Variants in PARN observed in about 807,000 individuals in gnomAD.
PARN encodes poly(A)-specific ribonuclease PARN.
PARN carries 71 observed loss-of-function variants against 102.8 expected under a neutral mutation model. That is an observed-to-expected ratio of 0.69 (90% CI 0.57 to 0.84). PARN has a LOEUF of 0.84. PARN is among the 40% of genes least tolerant of loss of function. The pLI, the probability that PARN is intolerant of heterozygous loss-of-function variation, is 0.00. For synonymous variants in PARN, 261 were observed against 252.9 expected, an observed-to-expected ratio of 1.03 and a Z score of -0.30; for missense variants, 782 against 760.9, an observed-to-expected ratio of 1.03 and a Z score of -0.33.
intron 12 of PARN, among the ~76,000 whole-genome samples, chr16:14,595,712 G>A (rs946731812): frequency 1.3e-5 from 2 of 152,106 alleles, no homozygotes; most frequent in Non-Finnish European, 2.9e-5. Context: ...TGGATTTTCA[G>A]TAGAGACGGG....
At chr16:14,482,078 T>C (rs1211950625) in intron 22 of PARN, among the ~76,000 whole-genome samples, 1 of 152,096 alleles carries the variant, frequency 6.6e-6, no homozygotes, top group Non-Finnish European at 1.5e-5. Flanking sequence ...AAAGCCTCCA[T>C]CTCCTCAACC....
At chr16:14,447,111 AG>A (rs1961239825) in intron 22 of PARN, 30 bp from the exon 23 acceptor site, 2 of 1,507,762 alleles carry the variant, frequency 1.3e-6, no homozygotes, top group South Asian at 2.3e-5. Context: ...ACAACATAAA[AG>A]GTGCTGAGAG....
At position 14,488,234 on chromosome 16, in the gene PARN, A is replaced by T. The variant is rs1238056608; in HGVS notation, c.1481-5407T>A. 2.0e-5 allele frequency among the ~76,000 whole-genome samples: 3 copies of T among 152,358 alleles called. No homozygotes were observed. The East Asian group carries it at 5.8e-4, about 29-fold the overall frequency. On this transcript the variant is annotated intron_variant, in intron 21 of 23. Coordinates refer to ENST00000437198, the MANE Select transcript of PARN (RefSeq NM_002582.4). ...ATTCTTAGTCACACCATGCCGAAAA[A>T]TTCACTCCAGATGGATGAAGAGCTG...
At chr16:14,623,218 A>G (rs1420329586) in intron 5 of PARN, among the ~76,000 whole-genome samples, 1 of 152,064 alleles carries the variant, frequency 6.6e-6, no homozygotes, top group African/African-American at 2.4e-5. Context: ...GGAAAAGGAT[A>G]TAAGAAGGGA....
intron 18 of PARN, among the ~76,000 whole-genome samples, chr16:14,566,806 C>CTGCAG (rs1968464722): frequency 6.6e-6 from 1 of 152,208 alleles, no homozygotes; most frequent in Admixed American, 6.5e-5. Context: ...TGGACTGCCC[C>CTGCAG]TGCAGTGCTG....
At chr16:14,489,746 G>T (rs922757241) in intron 21 of PARN, among the ~76,000 whole-genome samples, 1 of 152,236 alleles carries the variant, frequency 6.6e-6, no homozygotes, top group East Asian at 1.9e-4. Context: ...TGGGTGGGGA[G>T]AGTGTACTAG....
At chr16:14,453,385 C>T (rs893302595) in intron 22 of PARN, among the ~76,000 whole-genome samples, 1 of 152,166 alleles carries the variant, frequency 6.6e-6, no homozygotes, top group African/African-American at 2.4e-5. Flanking sequence ...CCTACAAATA[C>T]CTTTTTCCAT....
intron 19 of PARN, among the ~76,000 whole-genome samples, chr16:14,555,188 AGAG>A (rs996153869): frequency 2.6e-5 from 4 of 152,230 alleles, no homozygotes; most frequent in South Asian, 2.1e-4. Context: ...GAAAAAAAGC[AGAG>A]GAGAAGAAAA....
chr16:14,523,510 G>A (rs151053638), intron 21 of PARN, among the ~76,000 whole-genome samples: 103 of 152,252 alleles, frequency 6.8e-4, no homozygotes, highest in African/African-American at 2.2e-3. Context: ...ATACAGTCAG[G>A]ACAGGATGCA....
At chr16:14,460,111 A>G (rs1320929401) in intron 22 of PARN, among the ~76,000 whole-genome samples, 1 of 152,212 alleles carries the variant, frequency 6.6e-6, no homozygotes, top group Non-Finnish European at 1.5e-5. Flanking sequence ...TAAGCCATAA[A>G]GGAACTGAAT....
chr16:14,476,370 C>A (rs567022908), intron 22 of PARN, among the ~76,000 whole-genome samples: 400 of 152,296 alleles, frequency 2.6e-3, no homozygotes, highest in Non-Finnish European at 4.0e-3. Context: ...ACTCAATAGC[C>A]ATGTGGTTAA....
At chr16:14,516,180 G>C (rs138149823) in intron 21 of PARN, among the ~76,000 whole-genome samples, 1,758 of 151,558 alleles carry the variant, frequency 0.012, 32 homozygotes, top group African/African-American at 0.041. Context: ...AACCAAAAAA[G>C]AATTAAATTA....
At chr16:14,532,557 T>C (rs898359926) in intron 21 of PARN, among the ~76,000 whole-genome samples, 4 of 152,134 alleles carry the variant, frequency 2.6e-5, no homozygotes, top group Non-Finnish European at 4.4e-5. Context: ...AAGTCTCCCA[T>C]GTCTACCTCT....
At chr16:14,528,130 A>C (rs542122240) in intron 21 of PARN, among the ~76,000 whole-genome samples, 1 of 152,382 alleles carries the variant, frequency 6.6e-6, no homozygotes, top group South Asian at 2.1e-4. Flanking sequence ...ACTGAGTGTC[A>C]GAATAAATCC....
intron 22 of PARN, among the ~76,000 whole-genome samples, chr16:14,474,288 C>A (rs772536859): frequency 6.6e-6 from 1 of 152,156 alleles, no homozygotes; most frequent in African/African-American, 2.4e-5. Context: ...TACAGGCATG[C>A]GCCACTGTGC....
chr16:14,444,630 G>C (rs1291558307), intron 23 of PARN, among the ~76,000 whole-genome samples: 1 of 152,178 alleles, frequency 6.6e-6, no homozygotes, highest in Non-Finnish European at 1.5e-5. Flanking sequence ...AGAAGAGACA[G>C]CTATGAAGGA....
intron 6 of PARN, among the ~76,000 whole-genome samples, chr16:14,614,641 G>A (rs773026338): frequency 1.3e-5 from 2 of 151,744 alleles, no homozygotes; most frequent in Non-Finnish European, 2.9e-5. Context: ...ATCTGAGGTC[G>A]GGAGTTGGAG....
intron 23 of PARN, among the ~76,000 whole-genome samples, chr16:14,445,276 A>T (rs1043168792): frequency 6.6e-6 from 1 of 152,170 alleles, no homozygotes; most frequent in Non-Finnish European, 1.5e-5. Context: ...TACAAAAAGC[A>T]TATGTGACAT....
intron 5 of PARN, among the ~76,000 whole-genome samples, chr16:14,623,826 G>T (rs571251252): frequency 6.7e-6 from 1 of 150,266 alleles, no homozygotes; most frequent in East Asian, 1.9e-4. Context: ...GACAGTGTAA[G>T]GCTCCATCTC....
Sources: allele counts gnomAD v4.1 joint callset (sites outside exome capture counted in the v4.1 genomes callset), GRCh38; gene constraint gnomAD v4.1.1; transcripts MANE v1.5; gene names NCBI Gene and HGNC (gene_info 2026-07-23, HGNC 2026-07-21).